Variants in ZBTB20 observed in about 807,000 individuals in gnomAD.
The protein encoded by ZBTB20 is zinc finger and BTB domain containing 20.
ZBTB20 carries 9 observed loss-of-function variants against 56.9 expected under a neutral mutation model. The observed-to-expected ratio is 0.16, with a 90% confidence interval of 0.10 to 0.28. The LOEUF (loss-of-function observed/expected upper bound fraction) is 0.28. ZBTB20 is among the 10% of genes least tolerant of loss of function. The pLI, the probability that ZBTB20 is intolerant of heterozygous loss-of-function variation, is 1.00. For synonymous variants in ZBTB20, 417 were observed against 420.7 expected, an observed-to-expected ratio of 0.99 and a Z score of 0.11; for missense variants, 655 against 1,003.0, an observed-to-expected ratio of 0.65 and a Z score of 4.69.
chr3:114,788,103 T>C (rs916499316), intron 5 of ZBTB20, among the ~76,000 whole-genome samples: 1 of 152,208 alleles, frequency 6.6e-6, no homozygotes, highest in Admixed American at 6.5e-5. Flanking sequence ...GTGAACAGAC[T>C]ATGTAGTTCA....
intron 7 of ZBTB20, among the ~76,000 whole-genome samples, chr3:114,478,825 T>C (rs754003589): frequency 1.6e-4 from 24 of 152,108 alleles, no homozygotes; most frequent in Non-Finnish European, 3.4e-4. Flanking sequence ...TTTTAAAAAA[T>C]AGATACCAAA....
chr3:114,599,451 G>C (rs1342365038), intron 6 of ZBTB20: 1 of 151,998 alleles, frequency 6.6e-6, no homozygotes, highest in Non-Finnish European at 1.5e-5. Context: ...CTTTGCTGAG[G>C]ATCATTTTCT....
chr3:114,895,907 A>G (rs2107648935), intron 4 of ZBTB20, among the ~76,000 whole-genome samples: 1 of 152,272 alleles, frequency 6.6e-6, no homozygotes, highest in Non-Finnish European at 1.5e-5. Flanking sequence ...GCTACTGAAT[A>G]ATGGAGCTAG....
intron 6 of ZBTB20, among the ~76,000 whole-genome samples, chr3:114,666,530 A>G (rs376498490): frequency 1.6e-4 from 25 of 152,050 alleles, no homozygotes; most frequent in African/African-American, 5.1e-4. Context: ...GTAAGTGGTG[A>G]TAGACTTCAA....
chr3:114,996,768 T>G (rs372161385), intron 2 of ZBTB20, among the ~76,000 whole-genome samples: 50 of 151,974 alleles, frequency 3.3e-4, no homozygotes, highest in African/African-American at 1.1e-3. Context: ...CATGTGGTAT[T>G]TCTAGTTCTA....
chr3:115,078,283 A>G (rs1239297451), intron 1 of ZBTB20, among the ~76,000 whole-genome samples: 3 of 152,200 alleles, frequency 2.0e-5, no homozygotes, highest in Non-Finnish European at 2.9e-5. Context: ...TGAATGAATA[A>G]AAGAGCAATA....
intron 2 of ZBTB20, among the ~76,000 whole-genome samples, chr3:115,011,903 G>C (rs1176757278): frequency 6.6e-6 from 1 of 151,764 alleles, no homozygotes; most frequent in African/African-American, 2.4e-5. Context: ...AAGTTTAAAA[G>C]CTAGTGGACA....
intron 10 of ZBTB20, among the ~76,000 whole-genome samples, chr3:114,366,015 C>A (rs1463529803): frequency 2.0e-5 from 3 of 152,184 alleles, no homozygotes; most frequent in Non-Finnish European, 2.9e-5. Context: ...ATTTTAGCTT[C>A]ATTCTCCCCA....
intron 3 of ZBTB20, among the ~76,000 whole-genome samples, chr3:114,952,776 T>C (rs1317802817): frequency 6.6e-6 from 1 of 152,004 alleles, no homozygotes; most frequent in Admixed American, 6.6e-5. Context: ...ACCCCTTTTT[T>C]AAAGGTCTGA....
rs537243173 is a variant in ZBTB20, at chr3:114,683,679, A to T, written c.-295+9849T>A. ...TCCTCCTTTAGTTGAGAGTTTCCCC[A>T]GGGCATTAAGCCCTGGGGGCTTAAT... On this transcript the variant is annotated intron_variant, in intron 6 of 11. Transcript: ENST00000675478. 2.0e-5 allele frequency among the ~76,000 whole-genome samples: 3 copies of T among 152,156 alleles called. No individual in the cohort carries two copies. The South Asian group carries it at 6.2e-4, about 32-fold the overall frequency.
At chr3:114,927,062 G>A (rs1048160221) in intron 3 of ZBTB20, among the ~76,000 whole-genome samples, 4 of 152,146 alleles carry the variant, frequency 2.6e-5, no homozygotes, top group Admixed American at 6.5e-5. Flanking sequence ...AAATCACTAA[G>A]CTAAAGGGAA....
intron 6 of ZBTB20, among the ~76,000 whole-genome samples, chr3:114,606,555 G>A (rs926453679): frequency 6.6e-6 from 1 of 152,134 alleles, no homozygotes. Context: ...AGGAAACCAT[G>A]GGCTTCCCTG....
At chr3:114,431,061 C>T (rs1302978271) in intron 7 of ZBTB20, among the ~76,000 whole-genome samples, 2 of 151,320 alleles carry the variant, frequency 1.3e-5, no homozygotes, top group African/African-American at 4.9e-5. Context: ...CCCCTCCATC[C>T]ACACAAACAT....
intron 6 of ZBTB20, among the ~76,000 whole-genome samples, chr3:114,530,180 T>G (rs1013942383): frequency 6.6e-6 from 1 of 152,218 alleles, no homozygotes; most frequent in South Asian, 2.1e-4. Context: ...TCACATTCAC[T>G]CATCACTCAC....
intron 4 of ZBTB20, among the ~76,000 whole-genome samples, chr3:114,889,098 A>G (rs1183636795): frequency 2.6e-5 from 4 of 152,002 alleles, no homozygotes; most frequent in Non-Finnish European, 5.9e-5. Flanking sequence ...AATATATTTT[A>G]CACAAATATG....
At chr3:114,682,068 A>G (rs1346618828) in intron 6 of ZBTB20, among the ~76,000 whole-genome samples, 2 of 152,150 alleles carry the variant, frequency 1.3e-5, no homozygotes, top group Admixed American at 6.5e-5. Context: ...ACTTTATGAC[A>G]TCTGATTTAA....
intron 4 of ZBTB20, among the ~76,000 whole-genome samples, chr3:114,888,297 C>T (rs2076680573): frequency 1.3e-5 from 2 of 151,868 alleles, no homozygotes; most frequent in Admixed American, 1.3e-4. Flanking sequence ...GTGGTGCACA[C>T]CTGTAGTCCC....
intron 2 of ZBTB20, among the ~76,000 whole-genome samples, chr3:114,975,290 T>C (rs1381482078): frequency 1.3e-5 from 2 of 152,190 alleles, no homozygotes; most frequent in Non-Finnish European, 2.9e-5. Flanking sequence ...GAAATCTCAA[T>C]GATGACCTTG....
intron 4 of ZBTB20, among the ~76,000 whole-genome samples, chr3:114,857,412 T>G (rs1381968030): frequency 6.6e-6 from 1 of 152,182 alleles, no homozygotes; most frequent in Non-Finnish European, 1.5e-5. Context: ...AAGGACAGGA[T>G]ATGAATAAAT....
Sources: gnomAD v4.1 joint callset for allele counts (sites outside exome capture counted in the v4.1 genomes callset) on GRCh38, gnomAD v4.1.1 for gene constraint, MANE v1.5 for transcripts, NCBI Gene and HGNC (gene_info 2026-07-23, HGNC 2026-07-21) for gene names.